The following SHISA6 variants were observed in gnomAD, a reference collection of about 807,000 sequenced individuals.
SHISA6 encodes the protein protein shisa-6.
A neutral mutation model predicts 47.9 loss-of-function variants in SHISA6; 22 were observed. That is an observed-to-expected ratio of 0.46 (90% CI 0.33 to 0.66). The LOEUF (loss-of-function observed/expected upper bound fraction) is 0.66, where lower values mean the gene tolerates loss of function less well. SHISA6 is among the 30% of genes least tolerant of loss of function. The pLI is 0.02. For missense variants in SHISA6, 680 were observed against 764.6 expected (o/e 0.89, Z 1.30); for synonymous variants, 388 against 337.8 (o/e 1.15, Z -1.63).
intron 2 of SHISA6, among the ~76,000 whole-genome samples, chr17:11,351,388 CTCTGAAAACAATTA>C (rs1475538375): frequency 6.6e-6 from 1 of 152,128 alleles, no homozygotes; most frequent in Non-Finnish European, 1.5e-5. Flanking sequence ...ATGTATGGTT[CTCTGAAAACAATTA>C]TCTACATATT....
chr17:11,269,096 C>G (rs1157807353), intron 2 of SHISA6, among the ~76,000 whole-genome samples: 2 of 151,476 alleles, frequency 1.3e-5, no homozygotes, highest in Non-Finnish European at 2.9e-5. Context: ...GGCTGGAGTG[C>G]AGTGGCGCGA....
At chr17:11,286,078 G>A (rs1909289386) in intron 2 of SHISA6, among the ~76,000 whole-genome samples, 2 of 151,966 alleles carry the variant, frequency 1.3e-5, no homozygotes, top group South Asian at 4.2e-4. Flanking sequence ...ACTCGTAGGT[G>A]AGACCCCCGT....
chr17:11,242,144 C>A, intron 1 of SHISA6, 84 bp downstream of exon 1: 1 of 1,504,962 alleles, frequency 6.6e-7, no homozygotes, highest in Non-Finnish European at 8.9e-7. Context: ...TCACTCTCGG[C>A]ATCATCACAC....
intron 2 of SHISA6, among the ~76,000 whole-genome samples, chr17:11,270,264 G>A (rs1242097484): frequency 1.3e-5 from 2 of 152,320 alleles, no homozygotes; most frequent in Admixed American, 6.5e-5. Flanking sequence ...GTGAGCCGCC[G>A]TGCTCGGTGA....
chr17:11,257,446 A>G (rs1328072689), intron 1 of SHISA6, among the ~76,000 whole-genome samples: 1 of 152,110 alleles, frequency 6.6e-6, no homozygotes, highest in Admixed American at 6.6e-5. Flanking sequence ...AGATTGCCTG[A>G]GTTTCGGAGT....
At chr17:11,286,331 T>G (rs142231985) in intron 2 of SHISA6, among the ~76,000 whole-genome samples, 43 of 152,284 alleles carry the variant, frequency 2.8e-4, no homozygotes, top group African/African-American at 9.9e-4. Flanking sequence ...ATTCTATGCT[T>G]TTGTTTTTGC....
chr17:11,247,891 C>G (rs2142134169), intron 1 of SHISA6, among the ~76,000 whole-genome samples: 1 of 151,936 alleles, frequency 6.6e-6, no homozygotes, highest in South Asian at 2.1e-4. Flanking sequence ...TCTCCTGCCT[C>G]AGCCTCCCAA....
intron 3 of SHISA6, among the ~76,000 whole-genome samples, chr17:11,467,960 G>A (rs564044838): frequency 6.6e-6 from 1 of 152,130 alleles, no homozygotes; most frequent in South Asian, 2.1e-4. Flanking sequence ...ATTAGTGGTT[G>A]GTTTATTCTT....
At chr17:11,407,185 G>A (rs999829421) in intron 3 of SHISA6, among the ~76,000 whole-genome samples, 2 of 151,880 alleles carry the variant, frequency 1.3e-5, no homozygotes, top group Non-Finnish European at 2.9e-5. Flanking sequence ...CGTCTTACAA[G>A]ATAACCACTA....
chr17:11,541,011 T>C (rs916367530), intron 3 of SHISA6, among the ~76,000 whole-genome samples: 1 of 152,244 alleles, frequency 6.6e-6, no homozygotes, highest in Non-Finnish European at 1.5e-5. Context: ...GGGAAAGTCC[T>C]GTCTCTGCCA....
intron 2 of SHISA6, among the ~76,000 whole-genome samples, chr17:11,373,860 T>C (rs1180297340): frequency 6.6e-6 from 1 of 152,216 alleles, no homozygotes; most frequent in Non-Finnish European, 1.5e-5. Context: ...AATATTGCAG[T>C]GAACATGCTG....
At chr17:11,456,188 G>C (rs1915529101) in intron 3 of SHISA6, among the ~76,000 whole-genome samples, 1 of 152,178 alleles carries the variant, frequency 6.6e-6, no homozygotes, top group Non-Finnish European at 1.5e-5. Flanking sequence ...CGGAGGACCG[G>C]AGGGAGGGAG....
intron 2 of SHISA6, among the ~76,000 whole-genome samples, chr17:11,322,935 C>T (rs752402499): frequency 6.6e-6 from 1 of 151,968 alleles, no homozygotes. Flanking sequence ...GTTAAGGGTT[C>T]CCAAAGGTTT....
intron 2 of SHISA6, among the ~76,000 whole-genome samples, chr17:11,356,343 C>T (rs975620064): frequency 2.6e-5 from 4 of 152,130 alleles, no homozygotes; most frequent in Non-Finnish European, 4.4e-5. Flanking sequence ...TCAGGTAGTC[C>T]CCTCCAGAGA....
At chr17:11,281,701 G>T (rs1176222799) in intron 2 of SHISA6, among the ~76,000 whole-genome samples, 1 of 152,106 alleles carries the variant, frequency 6.6e-6, no homozygotes, top group Non-Finnish European at 1.5e-5. Context: ...TTTTGTGGAA[G>T]AATTTTTATA....
intron 3 of SHISA6, among the ~76,000 whole-genome samples, chr17:11,402,769 T>C (rs758132815): frequency 5.3e-5 from 8 of 152,234 alleles, no homozygotes; most frequent in Non-Finnish European, 1.2e-4. Flanking sequence ...TTAGTGGATA[T>C]GATGAGATAC....
At chr17:11,242,796 A>C (rs528370517) in intron 1 of SHISA6, among the ~76,000 whole-genome samples, 4 of 152,270 alleles carry the variant, frequency 2.6e-5, no homozygotes, top group Admixed American at 6.5e-5. Context: ...CTCCTACCAA[A>C]ACTTACGCCA....
intron 2 of SHISA6, among the ~76,000 whole-genome samples, chr17:11,367,406 C>T (rs1009353530): frequency 3.3e-5 from 5 of 152,162 alleles, no homozygotes; most frequent in East Asian, 1.9e-4. Context: ...AGTTCCTTTC[C>T]GATGAGGCAA....
chr17:11,355,931 A>C (rs1481807617), intron 2 of SHISA6, among the ~76,000 whole-genome samples: 1 of 152,228 alleles, frequency 6.6e-6, no homozygotes, highest in African/African-American at 2.4e-5. Flanking sequence ...ACACAGATAT[A>C]CAATAAACCA....
Sources: gnomAD v4.1 joint callset for allele counts (sites outside exome capture counted in the v4.1 genomes callset) on GRCh38, gnomAD v4.1.1 for gene constraint, MANE v1.5 for transcripts, NCBI Gene and HGNC (gene_info 2026-07-23, HGNC 2026-07-21) for gene names.